The following CES5A variants were observed in gnomAD, a reference collection of about 807,000 sequenced individuals.
CES5A encodes carboxylesterase 5A, also known as carboxylesterase 5.
In CES5A, 67 loss-of-function variants were observed where a neutral mutation model predicts 62.9. That is an observed-to-expected ratio of 1.07 (90% CI 0.88 to 1.31). The LOEUF is 1.31. Among genes scored for constraint, CES5A ranks in the 50% most tolerant of loss-of-function variants. The pLI, the probability that CES5A is intolerant of heterozygous loss-of-function variation, is 0.00. For missense variants in CES5A, 748 were observed against 708.5 expected (o/e 1.06, Z -0.63); for synonymous variants, 296 against 280.8 (o/e 1.05, Z -0.54).
intron 2 of CES5A, among the ~76,000 whole-genome samples, chr16:55,939,449 G>A (rs1461821765): frequency 6.6e-6 from 1 of 152,146 alleles, no homozygotes; most frequent in Non-Finnish European, 1.5e-5. Context: ...GGTAGATAGG[G>A]AAGTAAGACC....
At position 55,846,604 on chromosome 16, in the gene CES5A, C is replaced by T; in HGVS notation, c.1575G>A (p.Met525Ile). The change falls in exon 13 of 13, where the codon ATG becomes ATA. Residue 525 changes from methionine to isoleucine, a missense_variant. Physicochemically the swap from Met to Ile is conservative, Grantham distance 10 (BLOSUM62 1). Coordinates refer to ENST00000290567, the MANE Select transcript of CES5A (RefSeq NM_001143685.2). ...GTTCTTTGAGTCTCTGTCCGAGGCT[C>T]ATGTTCAAGTCCAGCTGGAGGTACT... ...TEQYLQLDLN[M>I]SLGQRLKEPR... 6.2e-7 allele frequency: 1 copy of T among 1,614,152 alleles called. No individual in the cohort carries two copies. Among genetic ancestry groups the T allele is most frequent in the African/African-American group, 1.3e-5 (1 of 75,018 alleles).
intron 1 of CES5A, among the ~76,000 whole-genome samples, chr16:55,914,278 G>T (rs2142453044): frequency 6.6e-6 from 1 of 152,254 alleles, no homozygotes; most frequent in South Asian, 2.1e-4. Context: ...TGCATTAAAT[G>T]AAAATATGTA....
chr16:55,919,957 A>G (rs2034185994), intron 1 of CES5A, among the ~76,000 whole-genome samples: 1 of 152,208 alleles, frequency 6.6e-6, no homozygotes, highest in Non-Finnish European at 1.5e-5. Context: ...GTTCAGAAAT[A>G]TTTAAGAATG....
chr16:55,929,718 G>A (rs561479106), upstream of CES5A, among the ~76,000 whole-genome samples: 1 of 152,306 alleles, frequency 6.6e-6, no homozygotes, highest in African/African-American at 2.4e-5. Flanking sequence ...AGATTGTATT[G>A]AAGAAAGTGA....
chr16:55,900,615 C>T (rs2033980920), intron 1 of CES5A, among the ~76,000 whole-genome samples: 1 of 152,172 alleles, frequency 6.6e-6, no homozygotes. Flanking sequence ...GACCCACAGC[C>T]TGCAGCAAAA....
chr16:55,861,656 C>T, intron 6 of CES5A, 140 bp from the exon 7 acceptor site: 1 of 676,374 alleles, frequency 1.5e-6, no homozygotes, highest in Non-Finnish European at 2.6e-6. Flanking sequence ...TAGACCCACA[C>T]CCCTATAATT....
intron 4 of CES5A, among the ~76,000 whole-genome samples, chr16:55,869,062 G>A (rs559041243): frequency 7.9e-5 from 12 of 152,322 alleles, no homozygotes; most frequent in South Asian, 2.1e-4. Flanking sequence ...AAGACCTGGG[G>A]TGAGGCTCAG....
At chr16:55,887,175 G>A (rs1309939979) in intron 1 of CES5A, among the ~76,000 whole-genome samples, 1 of 152,010 alleles carries the variant, frequency 6.6e-6, no homozygotes, top group Non-Finnish European at 1.5e-5. Context: ...ATTGACCCCT[G>A]TCACCATCAC....
At position 55,924,191 on chromosome 16, in the gene CES5A, A is replaced by G. The variant is rs1597151907; in HGVS notation, c.-256+1132T>C. ...CCTAAAGAATACACACACAAAAAAAACTGTTAGAATTGATAAACAAATTCA... is the reference window on the plus strand; with the variant it reads ...CCTAAAGAATACACACACAAAAAAAGCTGTTAGAATTGATAAACAAATTCA... On this transcript the variant is annotated intron_variant, in intron 1 of 12. Coordinates refer to the CES5A transcript ENST00000518005. 2.0e-5 allele frequency among the ~76,000 whole-genome samples: 3 copies of G among 151,858 alleles called. No individual in the cohort carries two copies. In the East Asian group the frequency reaches 5.8e-4, roughly 29 times the overall value.
intron 1 of CES5A, among the ~76,000 whole-genome samples, chr16:55,951,103 CAAAAAAAAAAAAA>C (rs55951124): frequency 9.0e-5 from 4 of 44,378 alleles, no homozygotes; most frequent in East Asian, 7.3e-4. Flanking sequence ...GACTCCATCT[CAAAAAAAAAAAAA>C]AAAAAAAAAA....
intron 1 of CES5A, among the ~76,000 whole-genome samples, chr16:55,884,958 A>T (rs2033799655): frequency 6.6e-6 from 1 of 152,102 alleles, no homozygotes; most frequent in South Asian, 2.1e-4. Context: ...AAGTCTTCAG[A>T]CTATAGTCCA....
chr16:55,868,598 T>C (rs145842544), intron 4 of CES5A, among the ~76,000 whole-genome samples: 22 of 152,292 alleles, frequency 1.4e-4, no homozygotes, highest in Middle Eastern at 3.4e-3. Context: ...AATGTGGATA[T>C]TTTTGTCCCT....
intron 7 of CES5A, among the ~76,000 whole-genome samples, chr16:55,859,972 G>A (rs537402278): frequency 2.6e-5 from 4 of 152,156 alleles, no homozygotes; most frequent in Non-Finnish European, 5.9e-5. Flanking sequence ...CCTGTTATAT[G>A]GTTTGGCTGT....
chr16:55,918,718 AC>A (rs2034171901), intron 1 of CES5A, among the ~76,000 whole-genome samples: 1 of 152,138 alleles, frequency 6.6e-6, no homozygotes, highest in African/African-American at 2.4e-5. Flanking sequence ...ATCTGAAACC[AC>A]TTCTGCCTGA....
rs539627037 is a variant in CES5A at position 55,861,121 on chromosome 16, G to A, written c.915+291C>T. ...TTTTGACTTCAGCTTCTGGAAGCAT[G>A]CATAACAAGTGTGGTCCTTCTCTCC... On this transcript the variant is annotated intron_variant, in intron 7 of 12. Coordinates refer to ENST00000290567, the MANE Select transcript of CES5A (RefSeq NM_001143685.2). Among the ~76,000 whole-genome samples, 20 of 152,320 alleles carry A rather than the reference G, an allele frequency of 1.3e-4. No individual in the cohort carries two copies. In the South Asian group the frequency reaches 2.7e-3, roughly 21 times the overall value.
chr16:55,950,885 G>A (rs112091192), intron 1 of CES5A, among the ~76,000 whole-genome samples: 2,988 of 151,802 alleles, frequency 0.02, 101 homozygotes, highest in African/African-American at 0.067. Context: ...GATGGATCAC[G>A]AGGACAGGAG....
intron 2 of CES5A, among the ~76,000 whole-genome samples, chr16:55,940,943 C>A (rs1050853943): frequency 3.3e-5 from 5 of 150,456 alleles, no homozygotes; most frequent in African/African-American, 4.9e-5. Context: ...TGACAAAATG[C>A]AACAATTCAT....
chr16:55,938,765 AATATATATATATATAT>A lies in CES5A; in HGVS notation c.160+11004_160+11019del, dbSNP rs763759878. On this transcript the variant is annotated intron_variant, in intron 2 of 13. Transcript: ENST00000521992. ...AAAAAAAAAAAAAAAAAAAAAAAAAAATATATATATATATATATATATATATATATATACACACATA... is the reference window on the plus strand; with the variant it reads ...AAAAAAAAAAAAAAAAAAAAAAAAAAATATATATATATATATACACACATA... 6.1e-4 allele frequency among the ~76,000 whole-genome samples: 24 copies of A among 39,198 alleles called. No individual in the cohort carries two copies. In the South Asian group the frequency reaches 0.012, roughly 20 times the overall value. 25.7% of individuals were successfully genotyped at this position (39,198 alleles called of 152,430 possible). A position where few individuals can be genotyped will look rare whatever the true frequency, so the allele number is the denominator to read the frequency against.
chr16:55,928,141 G>A (rs1415921515), upstream of CES5A, among the ~76,000 whole-genome samples: 1 of 152,100 alleles, frequency 6.6e-6, no homozygotes, highest in African/African-American at 2.4e-5. Flanking sequence ...TACTCGGGAG[G>A]CTGAGGCAGG....
Sources: allele counts gnomAD v4.1 joint callset (sites outside exome capture counted in the v4.1 genomes callset), GRCh38; gene constraint gnomAD v4.1.1; transcripts MANE v1.5; gene names NCBI Gene and HGNC (gene_info 2026-07-23, HGNC 2026-07-21).